CNTN4: variants seen among roughly 807,000 people sequenced by gnomAD.
CNTN4 encodes the protein contactin 4, also known as contactin-4.
A neutral mutation model predicts 122.5 loss-of-function variants in CNTN4; 77 were observed. The ratio of observed to expected loss-of-function variants is 0.63; its 90% CI spans 0.52 to 0.76. CNTN4 has a LOEUF of 0.76. Ranked by LOEUF, CNTN4 falls within the 30% of genes least tolerant of loss-of-function variation. CNTN4 has a pLI of 0.00. For synonymous variants in CNTN4, 512 were observed against 447.0 expected (o/e 1.15, Z -1.83); for missense variants, 1,256 against 1,259.1 (o/e 1.00, Z 0.04).
At chr3:2,737,098 C>T (rs1015456032) in intron 5 of CNTN4, among the ~76,000 whole-genome samples, 1 of 151,330 alleles carries the variant, frequency 6.6e-6, no homozygotes, top group Non-Finnish European at 1.5e-5. Context: ...TTTTATTTTT[C>T]GAGACAGGGT....
At chr3:2,568,249 T>A (rs928172011) in intron 3 of CNTN4, among the ~76,000 whole-genome samples, 2 of 149,442 alleles carry the variant, frequency 1.3e-5, no homozygotes, top group Non-Finnish European at 3.0e-5. Context: ...TACTGAGGTC[T>A]TCAGTGTCAC....
At chr3:2,536,189 G>T (rs62235761) in intron 3 of CNTN4, among the ~76,000 whole-genome samples, 7,230 of 152,212 alleles carry the variant, frequency 0.047, 230 homozygotes, top group Middle Eastern at 0.14. Context: ...CAAAGATGAC[G>T]TTTATATATC....
chr3:2,110,890 T>C (rs1462379436), intron 2 of CNTN4, among the ~76,000 whole-genome samples: 1 of 152,202 alleles, frequency 6.6e-6, no homozygotes, highest in African/African-American at 2.4e-5. Flanking sequence ...GATAATATTG[T>C]GACATGTATT....
At position 3,043,783 on chromosome 3, in the gene CNTN4, CTGCATTGTCAGTTTCCCTGGTGA is replaced by C. The variant is rs1399424631; in HGVS notation, c.2811+83_2811+105del. The C allele has an allele frequency of 3.2e-6, 3 of 927,514 alleles. No individual in the cohort carries two copies. The African/African-American group carries it at 4.9e-5, about 15-fold the overall frequency. The allele number at this position is 927,514 out of a possible 1,614,324, so 57.5% of individuals were successfully genotyped here. The stretch of plus-strand genomic sequence containing the variant: ...TCTCCTCCATGAATTATACAGTTGT[CTGCATTGTCAGTTTCCCTGGTGA>C]TGCTCTCCTACCCTCTAGGAATCGC... On this transcript the variant is annotated intron_variant, in intron 23 of 24. Transcript: ENST00000418658.
intron 14 of CNTN4, among the ~76,000 whole-genome samples, chr3:3,012,614 T>G (rs1046150451): frequency 1.3e-5 from 2 of 151,676 alleles, no homozygotes; most frequent in African/African-American, 4.8e-5. Flanking sequence ...CACACCCAGC[T>G]AATTTTTTGT....
chr3:2,125,540 T>C (rs1247063645), intron 2 of CNTN4, among the ~76,000 whole-genome samples: 2 of 148,090 alleles, frequency 1.4e-5, no homozygotes, highest in African/African-American at 2.5e-5. Flanking sequence ...TCTATGAAGA[T>C]TTCTTTTTTC....
At chr3:2,314,728 C>G (rs2043033685) in intron 2 of CNTN4, among the ~76,000 whole-genome samples, 1 of 151,664 alleles carries the variant, frequency 6.6e-6, no homozygotes, top group Non-Finnish European at 1.5e-5. Context: ...AAAAGAAATA[C>G]AATTACAATT....
chr3:2,325,998 T>C (rs563068622), intron 2 of CNTN4, among the ~76,000 whole-genome samples: 1 of 152,312 alleles, frequency 6.6e-6, no homozygotes, highest in South Asian at 2.1e-4. Context: ...GATGTGATGG[T>C]TAATTTTATG....
intron 15 of CNTN4, among the ~76,000 whole-genome samples, chr3:3,028,132 C>A (rs1698882732): frequency 6.6e-6 from 1 of 152,116 alleles, no homozygotes; most frequent in East Asian, 1.9e-4. Flanking sequence ...CTTCCTGGGT[C>A]AGCATGGTGG....
intron 13 of CNTN4, among the ~76,000 whole-genome samples, chr3:2,950,396 A>C (rs370602287): frequency 1.8e-4 from 28 of 152,268 alleles, no homozygotes; most frequent in African/African-American, 6.3e-4. Flanking sequence ...GAACCTGCCA[A>C]ATGAGTTTGG....
intron 6 of CNTN4, among the ~76,000 whole-genome samples, chr3:2,749,379 G>A (rs1185155553): frequency 1.4e-5 from 2 of 147,940 alleles, no homozygotes; most frequent in East Asian, 2.0e-4. Flanking sequence ...CACCATGTTG[G>A]CCAGGCTGGT....
chr3:2,217,486 C>T (rs1233922942), intron 2 of CNTN4, among the ~76,000 whole-genome samples: 1 of 152,108 alleles, frequency 6.6e-6, no homozygotes, highest in Non-Finnish European at 1.5e-5. Flanking sequence ...TCAATTAAAA[C>T]AAAACCAAAC....
intron 22 of CNTN4, 51 bp from the exon 23 acceptor site, chr3:3,043,541 T>A (rs770660684): frequency 1.7e-5 from 23 of 1,342,998 alleles, no homozygotes; most frequent in Non-Finnish European, 2.1e-5. Context: ...TTCCTCAGAA[T>A]CCATTGAGAC....
chr3:2,235,535 A>C (rs1040679635), intron 2 of CNTN4, among the ~76,000 whole-genome samples: 2 of 152,080 alleles, frequency 1.3e-5, no homozygotes, highest in African/African-American at 4.8e-5. Context: ...TCTCTGCTTA[A>C]AATAAAATTT....
chr3:2,573,803 CTT>C (rs2079534998), intron 4 of CNTN4, among the ~76,000 whole-genome samples: 1 of 152,188 alleles, frequency 6.6e-6, no homozygotes, highest in African/African-American at 2.4e-5. Flanking sequence ...TTAATATTCT[CTT>C]ACCATATGCC....
chr3:2,795,472 A>G (rs1040501518), intron 6 of CNTN4, among the ~76,000 whole-genome samples: 1 of 151,782 alleles, frequency 6.6e-6, no homozygotes, highest in African/African-American at 2.4e-5. Flanking sequence ...GGTGAGAAGC[A>G]TCATTTTTTC....
At chr3:2,320,712 A>C (rs2043248895) in intron 2 of CNTN4, among the ~76,000 whole-genome samples, 1 of 152,116 alleles carries the variant, frequency 6.6e-6, no homozygotes, top group Non-Finnish European at 1.5e-5. Flanking sequence ...ATCAATGTGA[A>C]CTCAGAACCA....
chr3:2,720,190 A>G (rs977624080), intron 4 of CNTN4, among the ~76,000 whole-genome samples: 9 of 152,100 alleles, frequency 5.9e-5, no homozygotes, highest in Admixed American at 3.3e-4. Context: ...AAATACAGAT[A>G]TTTCCTATTT....
At position 3,001,400 on chromosome 3, in the gene CNTN4, G is replaced by C. The variant is rs376836041; in HGVS notation, c.1486+12928G>C. 1.2e-3 allele frequency among the ~76,000 whole-genome samples: 182 copies of C among 152,246 alleles called. 2 individuals carry two copies. Among genetic ancestry groups the C allele is most frequent in the African/African-American group, 4.0e-3 (168 of 41,548 alleles). ...ATCACTGGATAAGGAGTGAGTAAGA[G>C]GAAAAAAGAGGACAGGCATGTTAGG... On this transcript the variant is annotated intron_variant, in intron 14 of 24. Transcript: ENST00000418658.
Sources: gnomAD v4.1 joint callset for allele counts (sites outside exome capture counted in the v4.1 genomes callset) on GRCh38, gnomAD v4.1.1 for gene constraint, MANE v1.5 for transcripts, NCBI Gene and HGNC (gene_info 2026-07-23, HGNC 2026-07-21) for gene names.